Variants in MS4A4E observed in about 807,000 individuals in gnomAD.
MS4A4E encodes the protein membrane spanning 4-domains A4E, also known as putative membrane-spanning 4-domains subfamily A member 4E.
MS4A4E carries 23 observed loss-of-function variants against 13.3 expected under a neutral mutation model. The ratio of observed to expected loss-of-function variants is 1.73; its 90% CI spans 1.25 to 2.45. The LOEUF (loss-of-function observed/expected upper bound fraction) is 2.45. Ranked by LOEUF, MS4A4E falls within the 30% of genes most tolerant of loss-of-function variation. MS4A4E has a pLI of 0.00. For missense variants in MS4A4E, 144 were observed against 131.2 expected, an observed-to-expected ratio of 1.10 and a Z score of -0.48; for synonymous variants, 36 against 45.6, an observed-to-expected ratio of 0.79 and a Z score of 0.85.
chr11:60,232,284 AAC>A (rs3221531), intron 1 of MS4A4E, among the ~76,000 whole-genome samples: 36,917 of 130,084 alleles, frequency 0.28, 5,139 homozygotes, highest in South Asian at 0.41. Flanking sequence ...CATCGCCATC[AAC>A]ACACACACAC....
intron 3 of MS4A4E, among the ~76,000 whole-genome samples, chr11:60,220,322 A>G (rs538393903): frequency 1.3e-5 from 2 of 152,296 alleles, no homozygotes; most frequent in Non-Finnish European, 2.9e-5. Flanking sequence ...TCATTGCTTG[A>G]GCAAATTAAC....
At chr11:60,207,205 T>C (rs75053690) in intron 6 of MS4A4E, among the ~76,000 whole-genome samples, 18,853 of 152,148 alleles carry the variant, frequency 0.12, 1,235 homozygotes, top group South Asian at 0.16. Flanking sequence ...ACAAACTCAG[T>C]GCAACATTCG....
intron 3 of MS4A4E, among the ~76,000 whole-genome samples, chr11:60,226,020 G>A (rs1224589800): frequency 6.6e-6 from 1 of 151,658 alleles, no homozygotes; most frequent in African/African-American, 2.4e-5. Flanking sequence ...ATAACTCTAC[G>A]AACAATTCTG....
chr11:60,222,640 A>G (rs1291361759), intron 3 of MS4A4E, among the ~76,000 whole-genome samples: 4 of 152,218 alleles, frequency 2.6e-5, no homozygotes, highest in African/African-American at 9.7e-5. Flanking sequence ...ACCTACCAGC[A>G]AAATTTTTGC....
intron 1 of MS4A4E, among the ~76,000 whole-genome samples, chr11:60,233,322 C>T (rs1294031151): frequency 1.3e-5 from 2 of 152,176 alleles, no homozygotes; most frequent in Admixed American, 1.3e-4. Flanking sequence ...CAACAGTAAC[C>T]TGCTCCCCAG....
intron 3 of MS4A4E, among the ~76,000 whole-genome samples, chr11:60,215,106 A>G (rs1250440700): frequency 6.6e-6 from 1 of 152,100 alleles, no homozygotes; most frequent in Non-Finnish European, 1.5e-5. Flanking sequence ...ATTTAGCCAA[A>G]ATAGCTAATC....
chr11:60,220,505 T>C (rs183410011), intron 3 of MS4A4E, among the ~76,000 whole-genome samples: 1 of 152,316 alleles, frequency 6.6e-6, no homozygotes, highest in Admixed American at 6.5e-5. Flanking sequence ...TGTCATGACC[T>C]TGTTCAGGGA....
chr11:60,234,686 T>TA (rs553661329), intron 1 of MS4A4E, among the ~76,000 whole-genome samples: 50 of 150,692 alleles, frequency 3.3e-4, no homozygotes, highest in African/African-American at 1.1e-3. Flanking sequence ...ACATGAAAGA[T>TA]AAAAAAAATT....
In MS4A4E at chr11:60,243,081, T is replaced by A. The variant is rs2084570727; in HGVS notation, c.-140A>T. On this transcript the variant is annotated 5_prime_UTR_variant, in exon 1 of 9. Coordinates refer to ENST00000651255, the MANE Select transcript of MS4A4E (RefSeq NM_001393391.1). The stretch of plus-strand genomic sequence containing the variant: ...CACTCCACACCTCACTCAGTTTAAA[T>A]CTGCACTCCTTTTCTAGTAGATGTT... 1 of 783,776 alleles carries A rather than the reference T, an allele frequency of 1.3e-6. No individual in the cohort carries two copies. The highest frequency in any genetic ancestry group is 2.0e-6 in the Non-Finnish European group (1 of 502,038). The allele number at this position is 783,776 out of a possible 1,614,324, so 48.6% of individuals were successfully genotyped here.
At chr11:60,238,522 T>G (rs1040382403) in intron 1 of MS4A4E, among the ~76,000 whole-genome samples, 3 of 152,140 alleles carry the variant, frequency 2.0e-5, no homozygotes, top group Non-Finnish European at 2.9e-5. Flanking sequence ...TGCTGCCTCT[T>G]TCATTCCTGA....
At chr11:60,228,721 G>C (rs1184915028) in intron 2 of MS4A4E, 94 bp from the exon 3 acceptor site, 2 of 633,684 alleles carry the variant, frequency 3.2e-6, no homozygotes, top group East Asian at 2.8e-5. Flanking sequence ...TAAATAAACT[G>C]TGGTACCTCT....
intron 5 of MS4A4E, among the ~76,000 whole-genome samples, chr11:60,210,351 A>C (rs1218355783): frequency 6.6e-6 from 1 of 152,150 alleles, no homozygotes; most frequent in Non-Finnish European, 1.5e-5. Context: ...CAGGCATAAA[A>C]ATGTTTACAC....
intron 3 of MS4A4E, among the ~76,000 whole-genome samples, chr11:60,222,790 C>T (rs1030521238): frequency 3.9e-5 from 6 of 152,100 alleles, no homozygotes; most frequent in Admixed American, 2.6e-4. Context: ...CTCCTCTTAC[C>T]TCTAAGTCAA....
chr11:60,218,067 G>A (rs867251337), intron 3 of MS4A4E, among the ~76,000 whole-genome samples: 51 of 152,240 alleles, frequency 3.3e-4, no homozygotes, highest in Middle Eastern at 6.8e-3. Context: ...AAGAGAATAC[G>A]CGCCTGGGGG....
Position 60,230,069 on chromosome 11 carries a change from G to A in MS4A4E, c.-14C>T. The A allele has an allele frequency of 6.4e-7, 1 of 1,574,718 alleles. No homozygotes were observed. Among genetic ancestry groups the A allele is most frequent in the Middle Eastern group, 1.7e-4 (1 of 5,944 alleles). On this transcript the variant is annotated splice_region_variant and 5_prime_UTR_variant, in exon 2 of 9. Transcript: ENST00000651255. ...CATGGTTGTCATGGCAGCAGAAAAG[G>A]TGCTACAATAAGAAATGTAATTTAG...
At chr11:60,208,943 G>A (rs1190137214) in intron 5 of MS4A4E, 3 of 215,246 alleles carry the variant, frequency 1.4e-5, no homozygotes, top group Non-Finnish European at 2.8e-5. Context: ...GGGCATGGAA[G>A]ATGAAAGTGC....
intron 3 of MS4A4E, chr11:60,225,038 C>G: frequency 6.4e-7 from 1 of 1,565,842 alleles, no homozygotes; most frequent in Non-Finnish European, 8.6e-7. Context: ...AAATGCAACA[C>G]ACATCATTAT....
chr11:60,215,987 TAAC>T (rs945972506), intron 3 of MS4A4E, among the ~76,000 whole-genome samples: 9 of 152,082 alleles, frequency 5.9e-5, no homozygotes, highest in Admixed American at 3.3e-4. Context: ...AGGAAAAACT[TAAC>T]AAAGAATGTG....
At chr11:60,204,526 G>A (rs1427202042) in intron 8 of MS4A4E, among the ~76,000 whole-genome samples, 3 of 152,204 alleles carry the variant, frequency 2.0e-5, no homozygotes, top group Non-Finnish European at 4.4e-5. Flanking sequence ...TCACTTCACT[G>A]TCTAAGAAAT....
Sources: allele counts gnomAD v4.1 joint callset (sites outside exome capture counted in the v4.1 genomes callset), GRCh38; gene constraint gnomAD v4.1.1; transcripts MANE v1.5; gene names NCBI Gene and HGNC (gene_info 2026-07-23, HGNC 2026-07-21).